TENM3: variants seen among roughly 807,000 people sequenced by gnomAD.
TENM3 encodes the protein teneurin transmembrane protein 3.
Under a neutral mutation model 255.1 loss-of-function variants are expected in TENM3, and 63 were observed. The observed-to-expected ratio is 0.25, with a 90% CI of 0.20 to 0.30. The LOEUF (loss-of-function observed/expected upper bound fraction) is 0.30, where lower values mean the gene tolerates loss of function less well. TENM3 is among the 10% of genes least tolerant of loss of function. The pLI is 1.00. For synonymous variants in TENM3, 1,306 were observed against 1,322.3 expected, an observed-to-expected ratio of 0.99 and a Z score of 0.27; for missense variants, 2,929 against 3,461.1, an observed-to-expected ratio of 0.85 and a Z score of 3.86.
At chr4:181,631,722 C>A in the TENM3 span, among the ~76,000 whole-genome samples, 1 of 152,162 alleles carries the variant, frequency 6.6e-6, no homozygotes, top group East Asian at 1.9e-4. Flanking sequence ...CTTTGCTATA[C>A]AAAATGATCT....
At chr4:181,483,458 T>C in the TENM3 span, among the ~76,000 whole-genome samples, 1 of 152,116 alleles carries the variant, frequency 6.6e-6, no homozygotes. Context: ...TTCAGACTCA[T>C]CTGCAAGTCT....
intron 3 of TENM3, among the ~76,000 whole-genome samples, chr4:182,449,467 ATT>A (rs11308423): frequency 5.5e-4 from 83 of 151,620 alleles, no homozygotes; most frequent in Admixed American, 1.1e-3. Flanking sequence ...AATTAGATGG[ATT>A]TTTTTTTTAT....
intron 1 of TENM3, among the ~76,000 whole-genome samples, chr4:182,249,462 G>A (rs193118417): frequency 2.6e-5 from 4 of 152,304 alleles, no homozygotes; most frequent in Non-Finnish European, 5.9e-5. Flanking sequence ...ACTAGAAGGA[G>A]AAACTATTAT....
chr4:182,715,994 A>G (rs1204645306), intron 13 of TENM3, among the ~76,000 whole-genome samples: 2 of 152,252 alleles, frequency 1.3e-5, no homozygotes, highest in East Asian at 3.9e-4. Context: ...TAGCCTTCAC[A>G]GCTTTTCCTG....
intron 3 of TENM3, among the ~76,000 whole-genome samples, chr4:182,387,227 A>C (rs1242724042): frequency 2.0e-5 from 3 of 152,094 alleles, no homozygotes; most frequent in Non-Finnish European, 4.4e-5. Flanking sequence ...GTTTGTAAAC[A>C]CACCAGTCAG....
At chr4:181,956,056 A>G in the TENM3 span, among the ~76,000 whole-genome samples, 2 of 152,188 alleles carry the variant, frequency 1.3e-5, no homozygotes, top group African/African-American at 4.8e-5. Context: ...GTCCACAATC[A>G]AGGCAGATTT....
the TENM3 span, among the ~76,000 whole-genome samples, chr4:181,796,486 G>A: frequency 2.0e-5 from 3 of 152,204 alleles, no homozygotes; most frequent in Non-Finnish European, 4.4e-5. Context: ...ATTTAGGCAT[G>A]TGGAGAGTGG....
chr4:182,681,037 A>C (rs1308933859), intron 10 of TENM3, among the ~76,000 whole-genome samples: 1 of 152,112 alleles, frequency 6.6e-6, no homozygotes, highest in Non-Finnish European at 1.5e-5. Context: ...TTTTCTTTTT[A>C]TAGTTTTTTA....
At chr4:181,616,048 T>TC in the TENM3 span, among the ~76,000 whole-genome samples, 17,880 of 151,572 alleles carry the variant, frequency 0.12, 1,128 homozygotes, top group South Asian at 0.21. Flanking sequence ...AGAACATGTT[T>TC]CCCCCCCACA....
At chr4:182,521,453 T>C (rs1451814101) in intron 3 of TENM3, among the ~76,000 whole-genome samples, 1 of 152,240 alleles carries the variant, frequency 6.6e-6, no homozygotes, top group Non-Finnish European at 1.5e-5. Flanking sequence ...TTTTTCATAC[T>C]GCAATATTTG....
chr4:181,560,935 A>C, the TENM3 span, among the ~76,000 whole-genome samples: 1 of 152,146 alleles, frequency 6.6e-6, no homozygotes, highest in Non-Finnish European at 1.5e-5. Flanking sequence ...ACTTCCCACA[A>C]GTTAATAATT....
At chr4:182,089,800 ACT>A in the TENM3 span, among the ~76,000 whole-genome samples, 1 of 152,184 alleles carries the variant, frequency 6.6e-6, no homozygotes, top group Non-Finnish European at 1.5e-5. Context: ...TTCATCAATC[ACT>A]GTTTTTCTAT....
At chr4:182,350,773 C>T (rs905124363) in intron 3 of TENM3, among the ~76,000 whole-genome samples, 65 of 152,254 alleles carry the variant, frequency 4.3e-4, no homozygotes, top group African/African-American at 1.5e-3. Context: ...CAACCTCTGC[C>T]TCCTGGGTTC....
chr4:182,754,368 T>A lies in TENM3; in HGVS notation c.4018-17T>A, dbSNP rs1362751178. On this transcript the variant is annotated splice_polypyrimidine_tract_variant and intron_variant, in intron 21 of 27. Coordinates refer to ENST00000511685, the MANE Select transcript of TENM3 (RefSeq NM_001080477.4). This position sits in a 1 kb window ranked among gnomAD's most constrained non-coding sequence, Gnocchi z 5.1. ...GTGCAGTAACTTACTAACCAGGCCA[T>A]TTCTTTTTTTATTAAGGTACGTCTG... The A allele has an allele frequency of 6.4e-7, 1 of 1,564,516 alleles. No individual in the cohort carries two copies. Among genetic ancestry groups the A allele is most frequent in the Admixed American group, 1.9e-5 (1 of 53,838 alleles).
At chr4:181,604,115 A>C in the TENM3 span, among the ~76,000 whole-genome samples, 44 of 152,112 alleles carry the variant, frequency 2.9e-4, no homozygotes, top group Non-Finnish European at 5.3e-4. Context: ...ATACAAAAAA[A>C]TTAGCCGGGC....
chr4:182,088,992 G>A, the TENM3 span, among the ~76,000 whole-genome samples: 1 of 152,170 alleles, frequency 6.6e-6, no homozygotes, highest in Non-Finnish European at 1.5e-5. Flanking sequence ...TGAGGGCGGA[G>A]CTCTTAATGA....
At chr4:182,665,048 C>G (rs188579832) in intron 6 of TENM3, among the ~76,000 whole-genome samples, 4 of 152,276 alleles carry the variant, frequency 2.6e-5, no homozygotes, top group African/African-American at 9.6e-5. Context: ...GATGAAAGAG[C>G]CTTAGACTGG....
chr4:181,881,612 T>C, the TENM3 span, among the ~76,000 whole-genome samples: 1 of 152,166 alleles, frequency 6.6e-6, no homozygotes, highest in African/African-American at 2.4e-5. Context: ...CTTGGCTTAT[T>C]TTGCTTTACT....
At chr4:181,625,019 A>G in the TENM3 span, among the ~76,000 whole-genome samples, 1 of 151,990 alleles carries the variant, frequency 6.6e-6, no homozygotes, top group South Asian at 2.1e-4. Context: ...AGCCTTCTTG[A>G]GGAGAAGCTA....
Sources: allele counts gnomAD v4.1 joint callset (sites outside exome capture counted in the v4.1 genomes callset), GRCh38; gene constraint gnomAD v4.1.1; non-coding constraint Gnocchi (gnomAD v3.1); transcripts MANE v1.5; gene names NCBI Gene and HGNC (gene_info 2026-07-23, HGNC 2026-07-21).